The following ZNF460 variants were observed in gnomAD, a reference collection of about 807,000 sequenced individuals.
ZNF460 encodes zinc finger protein 460.
In ZNF460, 1 loss-of-function variant was observed where a neutral mutation model predicts 8.4. That is an observed-to-expected ratio of 0.12 (90% CI 0.04 to 0.56). The LOEUF (loss-of-function observed/expected upper bound fraction) is 0.56, where lower values mean the gene tolerates loss of function less well. Ranked by LOEUF, ZNF460 falls within the 20% of genes least tolerant of loss-of-function variation. The pLI, the probability that ZNF460 is intolerant of heterozygous loss-of-function variation, is 0.91. For synonymous variants in ZNF460, 262 were observed against 259.9 expected (o/e 1.01, Z -0.08); for missense variants, 477 against 714.8 (o/e 0.67, Z 3.79).
intron 2 of ZNF460, among the ~76,000 whole-genome samples, chr19:57,289,873 G>T (rs905497210): frequency 6.6e-6 from 1 of 151,978 alleles, no homozygotes; most frequent in Non-Finnish European, 1.5e-5. Context: ...AGGCGGGGTG[G>T]CTCACACCTG....
At chr19:57,287,931 G>T (rs2087890732) in intron 2 of ZNF460, among the ~76,000 whole-genome samples, 3 of 152,144 alleles carry the variant, frequency 2.0e-5, no homozygotes. Context: ...GGAGGTTGCA[G>T]TGAGCCAAGA....
chr19:57,286,370 A>G (rs2087879448), intron 2 of ZNF460, among the ~76,000 whole-genome samples: 1 of 152,192 alleles, frequency 6.6e-6, no homozygotes. Flanking sequence ...TGCACCATGT[A>G]AGACAGCTTT....
In ZNF460 at chr19:57,291,513, T is replaced by G; in HGVS notation, c.972T>G (p.Ile324Met). ...GCTTTTATGAGAGTACAGCCCTCAT[T>G]CAACACTTCATTATCCATACTGGGG... ...GKGFYESTAL[I>M]QHFIIHTGER... The change falls in exon 3 of 3, where the codon ATT becomes ATG. Residue 324 changes from isoleucine (I) to methionine (M), a missense_variant. This residue lies in a region of ZNF460 where 193 missense variants were observed against 391.7 expected (regional missense o/e 0.49). Transcript: ENST00000360338. The surrounding 1 kb of genome is among the most constrained non-coding windows in gnomAD (Gnocchi z 8.4). 1 of 1,613,866 alleles carries G rather than the reference T, an allele frequency of 6.2e-7. No homozygotes were observed. The highest frequency in any genetic ancestry group is 8.5e-7 in the Non-Finnish European group (1 of 1,179,888).
intron 1 of ZNF460, among the ~76,000 whole-genome samples, chr19:57,284,167 T>G (rs575314218): frequency 5.3e-5 from 8 of 152,214 alleles, no homozygotes; most frequent in Non-Finnish European, 1.2e-4. Context: ...CTGTGTTAAG[T>G]TCAAGTGGCT....
At chr19:57,283,804 G>A (rs897945121) in intron 1 of ZNF460, among the ~76,000 whole-genome samples, 1 of 152,034 alleles carries the variant, frequency 6.6e-6, no homozygotes, top group Non-Finnish European at 1.5e-5. Context: ...GCCCAGCCTT[G>A]ACTATTCTTG....
At chr19:57,282,729 C>T (rs1425714558) in intron 1 of ZNF460, among the ~76,000 whole-genome samples, 1 of 152,064 alleles carries the variant, frequency 6.6e-6, no homozygotes, top group Non-Finnish European at 1.5e-5. Flanking sequence ...GTGGCTCACA[C>T]CTGTAAACCC....
chr19:57,291,546 C>G lies in ZNF460; in HGVS notation c.1005C>G (p.Pro335=). Residue 335 remains proline (P), a synonymous_variant, in exon 3 of 3, where the codon CCC becomes CCG. Coordinates refer to ENST00000360338, the MANE Select transcript of ZNF460 (RefSeq NM_006635.4). The surrounding 1 kb of genome is among the most constrained non-coding windows in gnomAD (Gnocchi z 8.4). Reference sequence around the variant, plus strand: ...TCATTATCCATACTGGGGAGAGGCCCTTTAAGTGCCTTGAGTGTGGGAAGG... The same window carrying G: ...TCATTATCCATACTGGGGAGAGGCCGTTTAAGTGCCTTGAGTGTGGGAAGG... The part of the protein sequence containing the change: ...QHFIIHTGER[P]FKCLECGKAF... 1 of 1,614,068 alleles carries G rather than the reference C, an allele frequency of 6.2e-7. No homozygotes were observed. Among genetic ancestry groups the G allele is most frequent in the Non-Finnish European group, 8.5e-7 (1 of 1,180,008 alleles).
At chr19:57,290,661 A>T (rs372731661) in intron 2 of ZNF460, 38 bp from the exon 3 acceptor site, 8 of 1,565,538 alleles carry the variant, frequency 5.1e-6, no homozygotes, top group Non-Finnish European at 6.1e-6. Flanking sequence ...CTTCTGTACT[A>T]TCTTAATAAG....
chr19:57,281,032 T>G (rs1445901059), intron 1 of ZNF460, among the ~76,000 whole-genome samples, 196 bp downstream of exon 1: 1 of 152,238 alleles, frequency 6.6e-6, no homozygotes, highest in Non-Finnish European at 1.5e-5. Context: ...AGTCCGTGGT[T>G]GAAGGAGTGA....
intron 1 of ZNF460, among the ~76,000 whole-genome samples, chr19:57,281,130 C>T (rs1254851903): frequency 6.6e-6 from 1 of 152,160 alleles, no homozygotes; most frequent in Non-Finnish European, 1.5e-5. Context: ...CCTGGCCAAC[C>T]ACCCCTGACC....
At chr19:57,284,358 CTCTTCACTGCTGTAA>C in intron 1 of ZNF460, among the ~76,000 whole-genome samples, 178 bp from the exon 2 acceptor site, 1 of 152,102 alleles carries the variant, frequency 6.6e-6, no homozygotes, top group South Asian at 2.1e-4. Context: ...CTTCTGTCTC[CTCTTCACTGCTGTAA>C]TCCATGCAAG....
chr19:57,287,975 C>T lies in ZNF460; in HGVS notation c.158-2724C>T, dbSNP rs1223882766. 5.9e-5 allele frequency among the ~76,000 whole-genome samples: 9 copies of T among 152,118 alleles called. 1 individual carries two copies. Among genetic ancestry groups the T allele is most frequent in the South Asian group, 4.1e-4 (2 of 4,822 alleles). ...CTGTACTCCAGACTGGACGACAGAG[C>T]GAGACCCCATCTCAAAAAAACAAAC... On this transcript the variant is annotated intron_variant, in intron 2 of 2. Transcript: ENST00000360338.
At chr19:57,290,410 T>C (rs62131344) in intron 2 of ZNF460, among the ~76,000 whole-genome samples, 7,384 of 152,068 alleles carry the variant, frequency 0.049, 235 homozygotes, top group Non-Finnish European at 0.067. Context: ...CCCCAGTCGC[T>C]GGGATTATAG....
At chr19:57,288,211 C>G (rs543138198) in intron 2 of ZNF460, among the ~76,000 whole-genome samples, 1 of 152,196 alleles carries the variant, frequency 6.6e-6, no homozygotes, top group East Asian at 1.9e-4. Context: ...GAAATTTTCC[C>G]CTTTTTTAAG....
chr19:57,285,209 A>G (rs1267300448), intron 2 of ZNF460, among the ~76,000 whole-genome samples: 1 of 152,152 alleles, frequency 6.6e-6, no homozygotes, highest in Non-Finnish European at 1.5e-5. Flanking sequence ...GGTCACAGCC[A>G]AAGGAGAGGG....
At position 57,280,491 on chromosome 19, in the gene ZNF460, G is replaced by T. The variant is rs941923703; in HGVS notation, c.-316G>T. On this transcript the variant is annotated 5_prime_UTR_variant, in exon 1 of 3. Coordinates refer to ENST00000360338, the MANE Select transcript of ZNF460 (RefSeq NM_006635.4). The stretch of plus-strand genomic sequence containing the variant: ...CGTGGGCCGGTTTGGCCCTGAAACA[G>T]TGTGGGGCCTAGAGCGCTGGGTGGG... 5 of 431,736 alleles carry T rather than the reference G, an allele frequency of 1.2e-5. No homozygotes were observed. The East Asian group carries it at 1.3e-4, about 11-fold the overall frequency. 26.7% of individuals were successfully genotyped at this position (431,736 alleles called of 1,614,324 possible).
At chr19:57,289,405 G>A (rs189836722) in intron 2 of ZNF460, among the ~76,000 whole-genome samples, 3 of 152,212 alleles carry the variant, frequency 2.0e-5, no homozygotes, top group Middle Eastern at 3.4e-3. Context: ...CTCTGGATTC[G>A]CTGAAGACTC....
chr19:57,285,930 A>G (rs551933955), intron 2 of ZNF460, among the ~76,000 whole-genome samples: 1 of 152,256 alleles, frequency 6.6e-6, no homozygotes, highest in South Asian at 2.1e-4. Flanking sequence ...CTCAGAGTCC[A>G]ATTCCAGCTC....
In ZNF460 at chr19:57,293,538, T is replaced by C. The variant is rs1217030979; in HGVS notation, c.*1308T>C. On this transcript the variant is annotated 3_prime_UTR_variant, in exon 3 of 3. Transcript: ENST00000360338. ...TGTTTATGGGGTTTGGTGTGATATT[T>C]CAATACATGTGTGCTAAGAGTAATG... The C allele has an allele frequency of 5.3e-5, 8 of 152,228 alleles. No individual in the cohort carries two copies. 9.4% of individuals were successfully genotyped at this position (152,228 alleles called of 1,614,324 possible).
Sources: gnomAD v4.1 joint callset for allele counts (sites outside exome capture counted in the v4.1 genomes callset) on GRCh38, gnomAD v4.1.1 for gene constraint, gnomAD v4.1.1 regional missense constraint, Gnocchi (gnomAD v3.1) non-coding constraint, MANE v1.5 for transcripts, NCBI Gene and HGNC (gene_info 2026-07-23, HGNC 2026-07-21) for gene names.